The following EFNA5 variants were observed in gnomAD, a reference collection of about 807,000 sequenced individuals.
EFNA5 encodes the protein ephrin A5, also known as ephrin-A5.
In EFNA5, 5 loss-of-function variants were observed where a neutral mutation model predicts 22.9. That is an observed-to-expected ratio of 0.22 (90% CI 0.11 to 0.46). The LOEUF is 0.46. Ranked by LOEUF, EFNA5 falls within the 20% of genes least tolerant of loss-of-function variation. The pLI is 0.99. For missense variants in EFNA5, 237 were observed against 293.3 expected, an observed-to-expected ratio of 0.81 and a Z score of 1.40; for synonymous variants, 113 against 112.2, an observed-to-expected ratio of 1.01 and a Z score of -0.04.
chr5:107,603,066 C>A (rs2112513851), intron 1 of EFNA5, among the ~76,000 whole-genome samples: 1 of 152,298 alleles, frequency 6.6e-6, no homozygotes, highest in Non-Finnish European at 1.5e-5. Context: ...TGAGAAAACT[C>A]ACCATACTTA....
intron 4 of EFNA5, among the ~76,000 whole-genome samples, chr5:107,386,256 G>T (rs979059710): frequency 3.9e-5 from 6 of 151,982 alleles, no homozygotes; most frequent in African/African-American, 9.7e-5. Context: ...GATCAAGGGA[G>T]ATGGGTAAGG....
At chr5:107,516,985 G>T (rs992946543) in intron 1 of EFNA5, among the ~76,000 whole-genome samples, 1 of 152,060 alleles carries the variant, frequency 6.6e-6, no homozygotes, top group African/African-American at 2.4e-5. Context: ...CTAGGGCTGG[G>T]GGTAGGCACA....
intron 1 of EFNA5, among the ~76,000 whole-genome samples, chr5:107,524,238 G>A (rs1010174456): frequency 6.6e-6 from 1 of 152,212 alleles, no homozygotes; most frequent in African/African-American, 2.4e-5. Flanking sequence ...TGGCAGGCCA[G>A]ATTTGTGAGC....
chr5:107,495,229 T>A (rs956517736), intron 1 of EFNA5, among the ~76,000 whole-genome samples: 2 of 152,094 alleles, frequency 1.3e-5, no homozygotes, highest in South Asian at 4.1e-4. Context: ...ACCATGAAGA[T>A]CTGCGGCTCC....
intron 1 of EFNA5, among the ~76,000 whole-genome samples, chr5:107,603,535 T>G (rs1412965196): frequency 3.9e-5 from 6 of 152,210 alleles, no homozygotes; most frequent in Non-Finnish European, 7.3e-5. Flanking sequence ...GTCATTCACT[T>G]CCATAAAATG....
At chr5:107,533,096 C>T (rs1166297396) in intron 1 of EFNA5, among the ~76,000 whole-genome samples, 1 of 152,090 alleles carries the variant, frequency 6.6e-6, no homozygotes, top group African/African-American at 2.4e-5. Context: ...TTATACTTTG[C>T]AGACCTTTGG....
intron 1 of EFNA5, among the ~76,000 whole-genome samples, chr5:107,630,657 G>A: frequency 6.6e-6 from 1 of 151,522 alleles, no homozygotes; most frequent in East Asian, 1.9e-4. Context: ...GGACACTGAA[G>A]CTACACTAAA....
chr5:107,428,702 T>C (rs549905114), intron 1 of EFNA5, among the ~76,000 whole-genome samples: 3 of 152,270 alleles, frequency 2.0e-5, no homozygotes, highest in African/African-American at 7.2e-5. Flanking sequence ...GCTCATAAAG[T>C]CATATAATCT....
At chr5:107,670,063 G>A (rs1378062327) in intron 1 of EFNA5, among the ~76,000 whole-genome samples, 2 of 149,924 alleles carry the variant, frequency 1.3e-5, no homozygotes. Flanking sequence ...AAACTTTGGG[G>A]GATGTTTGGC....
chr5:107,513,996 C>G (rs1341331035), intron 1 of EFNA5, among the ~76,000 whole-genome samples: 1 of 152,148 alleles, frequency 6.6e-6, no homozygotes, highest in Non-Finnish European at 1.5e-5. Flanking sequence ...ACAAAAACAA[C>G]CAGGACCACG....
At chr5:107,570,478 T>G (rs1748777725) in intron 1 of EFNA5, among the ~76,000 whole-genome samples, 1 of 152,238 alleles carries the variant, frequency 6.6e-6, no homozygotes, top group Admixed American at 6.5e-5. Flanking sequence ...GTAATCATCT[T>G]AATCCCTTGT....
intron 1 of EFNA5, among the ~76,000 whole-genome samples, chr5:107,450,980 C>A (rs959129136): frequency 1.3e-5 from 2 of 152,246 alleles, no homozygotes; most frequent in African/African-American, 4.8e-5. Context: ...GAAGGTTAAT[C>A]CCTTGGGAAG....
intron 1 of EFNA5, among the ~76,000 whole-genome samples, chr5:107,650,100 T>A (rs957215972): frequency 6.6e-6 from 1 of 152,222 alleles, no homozygotes; most frequent in African/African-American, 2.4e-5. Flanking sequence ...ATATATAAAC[T>A]ATAGTATAAC....
chr5:107,560,925 C>T (rs1748528590), intron 1 of EFNA5, among the ~76,000 whole-genome samples: 1 of 152,216 alleles, frequency 6.6e-6, no homozygotes, highest in Non-Finnish European at 1.5e-5. Context: ...ATGTGAGCGC[C>T]ACCTTTACAT....
intron 1 of EFNA5, among the ~76,000 whole-genome samples, chr5:107,639,611 A>G (rs1750458716): frequency 6.6e-6 from 1 of 152,194 alleles, no homozygotes. Flanking sequence ...CAGACTATAA[A>G]TGTATTAAGT....
At chr5:107,492,989 T>C (rs1378167563) in intron 1 of EFNA5, among the ~76,000 whole-genome samples, 1 of 140,188 alleles carries the variant, frequency 7.1e-6, no homozygotes, top group Non-Finnish European at 1.5e-5. Context: ...AGAGACTCCA[T>C]CTCAAAAAAA....
intron 1 of EFNA5, among the ~76,000 whole-genome samples, chr5:107,637,500 G>GTGTGTGTGTGTGTGTC (rs1750399085): frequency 6.7e-6 from 1 of 150,072 alleles, no homozygotes; most frequent in Admixed American, 6.7e-5. Context: ...AAGGCACTGT[G>GTGTGTGTGTGTGTGTC]TGTGTGTGTG....
intron 1 of EFNA5, among the ~76,000 whole-genome samples, chr5:107,519,237 C>G (rs1377191381): frequency 6.6e-6 from 1 of 152,286 alleles, no homozygotes; most frequent in Middle Eastern, 3.4e-3. Context: ...AAGTCGGAAC[C>G]TAGTGAGCAG....
intron 2 of EFNA5, among the ~76,000 whole-genome samples, chr5:107,389,147 C>A (rs1747718756): frequency 6.6e-6 from 1 of 152,152 alleles, no homozygotes; most frequent in African/African-American, 2.4e-5. Context: ...CTCCCTATCT[C>A]CCCTGGTTGC....
Sources: allele counts gnomAD v4.1 joint callset (sites outside exome capture counted in the v4.1 genomes callset), GRCh38; gene constraint gnomAD v4.1.1; transcripts MANE v1.5; gene names NCBI Gene and HGNC (gene_info 2026-07-23, HGNC 2026-07-21).